The following GALNTL6 variants were observed in gnomAD, a reference collection of about 807,000 sequenced individuals.
GALNTL6 encodes the protein polypeptide N-acetylgalactosaminyltransferase like 6.
A neutral mutation model predicts 73.7 loss-of-function variants in GALNTL6; 46 were observed. The observed-to-expected ratio is 0.62, with a 90% CI of 0.49 to 0.80. The LOEUF (loss-of-function observed/expected upper bound fraction) is 0.80. Among genes scored for constraint, GALNTL6 ranks in the 30% least tolerant of loss-of-function variants. The pLI is 0.00. For missense variants in GALNTL6, 604 were observed against 755.0 expected, an observed-to-expected ratio of 0.80 and a Z score of 2.34; for synonymous variants, 259 against 263.7, an observed-to-expected ratio of 0.98 and a Z score of 0.17.
chr4:172,351,098 T>TA (rs1264355936), intron 5 of GALNTL6, among the ~76,000 whole-genome samples: 10 of 152,154 alleles, frequency 6.6e-5, no homozygotes, highest in Non-Finnish European at 1.2e-4. Flanking sequence ...CACCAAATAC[T>TA]CTACTACTAC....
intron 2 of GALNTL6, among the ~76,000 whole-genome samples, chr4:171,956,892 C>A (rs567917155): frequency 2.6e-5 from 4 of 152,158 alleles, no homozygotes; most frequent in Non-Finnish European, 4.4e-5. Flanking sequence ...AGAGAGCCAG[C>A]CTTCCGAGTT....
chr4:172,127,186 T>G (rs900010547), intron 2 of GALNTL6, among the ~76,000 whole-genome samples: 1 of 152,184 alleles, frequency 6.6e-6, no homozygotes, highest in African/African-American at 2.4e-5. Flanking sequence ...ACCTTGAGCC[T>G]GCCTACTACA....
chr4:173,001,924 A>T (rs1169533645), intron 10 of GALNTL6, among the ~76,000 whole-genome samples: 2 of 152,230 alleles, frequency 1.3e-5, no homozygotes, highest in African/African-American at 2.4e-5. Flanking sequence ...TGGGAATGTA[A>T]AATGGTTCAG....
chr4:171,909,279 C>T lies in GALNTL6; in HGVS notation c.138+94561C>T, dbSNP rs374670986. Among the ~76,000 whole-genome samples the T allele has an allele frequency of 6.6e-5, 10 of 151,646 alleles. No homozygotes were observed. The South Asian group carries it at 8.3e-4, about 13-fold the overall frequency. On this transcript the variant is annotated intron_variant, in intron 2 of 12. Coordinates refer to ENST00000506823, the MANE Select transcript of GALNTL6 (RefSeq NM_001034845.3). ...AGTGATGATGATCATATTTTTAAGA[C>T]ATTTATACAGGGTAGAAATTATACT...
At chr4:172,296,121 C>A (rs1425324644) in intron 3 of GALNTL6, among the ~76,000 whole-genome samples, 2 of 151,830 alleles carry the variant, frequency 1.3e-5, no homozygotes, top group Admixed American at 6.6e-5. Flanking sequence ...TTGTGGATAC[C>A]CTTTGTCAGA....
intron 2 of GALNTL6, among the ~76,000 whole-genome samples, chr4:172,121,256 A>ATT (rs1733141744): frequency 1.3e-5 from 1 of 75,128 alleles, no homozygotes; most frequent in Non-Finnish European, 2.9e-5. Flanking sequence ...CTCAAGAAGC[A>ATT]TTGTGTGTGT....
At chr4:171,906,812 C>A (rs1737297459) in intron 2 of GALNTL6, among the ~76,000 whole-genome samples, 1 of 152,140 alleles carries the variant, frequency 6.6e-6, no homozygotes, top group Admixed American at 6.5e-5. Context: ...AAGTGGGCTT[C>A]ATCCCTGGGA....
At chr4:172,833,570 C>A (rs944212593) in intron 7 of GALNTL6, among the ~76,000 whole-genome samples, 2 of 152,204 alleles carry the variant, frequency 1.3e-5, no homozygotes, top group Non-Finnish European at 2.9e-5. Context: ...CACACTTGAG[C>A]TCCATAAGAA....
chr4:172,460,035 G>T (rs1425064993), intron 5 of GALNTL6, among the ~76,000 whole-genome samples: 2 of 152,098 alleles, frequency 1.3e-5, no homozygotes, highest in African/African-American at 4.8e-5. Flanking sequence ...CAATGGAACG[G>T]AACAGATCAG....
At chr4:171,972,077 T>C (rs1028478018) in intron 2 of GALNTL6, among the ~76,000 whole-genome samples, 5 of 152,160 alleles carry the variant, frequency 3.3e-5, no homozygotes, top group African/African-American at 1.2e-4. Flanking sequence ...TGTGTGAGCA[T>C]TATTTCAGCC....
At chr4:172,041,548 A>G (rs1018476336) in intron 2 of GALNTL6, among the ~76,000 whole-genome samples, 1 of 152,096 alleles carries the variant, frequency 6.6e-6, no homozygotes, top group East Asian at 1.9e-4. Flanking sequence ...TATCCTAAAT[A>G]TCTTAGTCCG....
At chr4:172,797,582 C>G (rs1357041237) in intron 5 of GALNTL6, among the ~76,000 whole-genome samples, 1 of 151,800 alleles carries the variant, frequency 6.6e-6, no homozygotes, top group Non-Finnish European at 1.5e-5. Context: ...GGGTCTCGCC[C>G]TGTTGCCCAG....
At chr4:172,231,898 T>G (rs1737083921) in intron 3 of GALNTL6, among the ~76,000 whole-genome samples, 1 of 152,122 alleles carries the variant, frequency 6.6e-6, no homozygotes, top group African/African-American at 2.4e-5. Context: ...CTTTTCTATC[T>G]TCATCTTTGC....
chr4:172,103,342 A>G (rs960947239), intron 2 of GALNTL6, among the ~76,000 whole-genome samples: 3 of 152,188 alleles, frequency 2.0e-5, no homozygotes, highest in Non-Finnish European at 2.9e-5. Context: ...AGCTGATTTG[A>G]ATTATTTCTG....
intron 7 of GALNTL6, among the ~76,000 whole-genome samples, chr4:172,818,165 G>A (rs1257687731): frequency 1.3e-5 from 2 of 152,156 alleles, no homozygotes; most frequent in African/African-American, 2.4e-5. Context: ...GTCTCCAAGG[G>A]CAGCATGAAA....
intron 10 of GALNTL6, among the ~76,000 whole-genome samples, chr4:172,970,683 T>C (rs528109830): frequency 2.6e-5 from 4 of 152,218 alleles, no homozygotes; most frequent in Non-Finnish European, 5.9e-5. Flanking sequence ...CAAACACACA[T>C]ACTTTACAAT....
At chr4:172,300,230 T>A (rs1021400010) in intron 3 of GALNTL6, among the ~76,000 whole-genome samples, 12 of 152,194 alleles carry the variant, frequency 7.9e-5, no homozygotes, top group African/African-American at 2.9e-4. Flanking sequence ...TTGGTAGATC[T>A]TCCTTCATCC....
At chr4:172,960,376 G>A (rs776785700) in intron 10 of GALNTL6, among the ~76,000 whole-genome samples, 5 of 152,294 alleles carry the variant, frequency 3.3e-5, no homozygotes, top group East Asian at 1.9e-4. Flanking sequence ...AAGCCAGACC[G>A]GGTGTGAGGA....
chr4:172,314,359 T>C (rs752179354), intron 4 of GALNTL6, among the ~76,000 whole-genome samples: 7 of 152,102 alleles, frequency 4.6e-5, no homozygotes, highest in South Asian at 2.1e-4. Context: ...ATGGAAGATA[T>C]GGGGACTCCT....
Sources: gnomAD v4.1 joint callset for allele counts (sites outside exome capture counted in the v4.1 genomes callset) on GRCh38, gnomAD v4.1.1 for gene constraint, MANE v1.5 for transcripts, NCBI Gene and HGNC (gene_info 2026-07-23, HGNC 2026-07-21) for gene names.